The following TTC19 variants were observed in gnomAD, a reference collection of about 807,000 sequenced individuals.
TTC19 encodes the protein tetratricopeptide repeat protein 19, mitochondrial.
A neutral mutation model predicts 49.5 loss-of-function variants in TTC19; 38 were observed. The observed-to-expected ratio is 0.77, with a 90% CI of 0.59 to 1.01. The LOEUF is 1.01. Ranked by LOEUF, TTC19 falls within the 50% of genes least tolerant of loss-of-function variation. The pLI, the probability that TTC19 is intolerant of heterozygous loss-of-function variation, is 0.00. For missense variants in TTC19, 475 were observed against 477.7 expected, an observed-to-expected ratio of 0.99 and a Z score of 0.05; for synonymous variants, 204 against 185.2, an observed-to-expected ratio of 1.10 and a Z score of -0.83.
intron 9 of TTC19, 70 bp from the exon 10 acceptor site, chr17:16,027,304 C>G: frequency 3.2e-6 from 5 of 1,574,530 alleles, no homozygotes; most frequent in Non-Finnish European, 3.5e-6. Context: ...TGCATTCATG[C>G]TCTCTCTTCA....
chr17:16,025,816 G>A (rs1971536811), intron 8 of TTC19, among the ~76,000 whole-genome samples: 1 of 152,152 alleles, frequency 6.6e-6, no homozygotes, highest in African/African-American at 2.4e-5. Flanking sequence ...CCCAAGGCTG[G>A]GGTACATGGG....
chr17:16,041,452 C>A, intron 2 of TTC19, among the ~76,000 whole-genome samples: 1 of 81,908 alleles, frequency 1.2e-5, no homozygotes, highest in Admixed American at 1.4e-4. Flanking sequence ...TTATTCTTGT[C>A]ACCCAGGCTG....
chr17:16,027,525 C>A lies in TTC19; in HGVS notation c.*3C>A. The A allele has an allele frequency of 6.2e-7, 1 of 1,613,742 alleles. No individual in the cohort carries two copies. The highest frequency in any genetic ancestry group is 8.5e-7 in the Non-Finnish European group (1 of 1,179,838). On this transcript the variant is annotated 3_prime_UTR_variant, in exon 10 of 10. Transcript: ENST00000261647. ...TGACAAATTCTGTCAAGCTCTAAAT[C>A]CATTTTTGTGTAGGGAGAATAATGT...
rs1486294433 is a variant in TTC19 at position 16,028,037 on chromosome 17, A to G, written c.*515A>G. The G allele has an allele frequency of 2.2e-6, 1 of 454,148 alleles. No individual in the cohort carries two copies. Among genetic ancestry groups the G allele is most frequent in the African/African-American group, 2.0e-5 (1 of 50,138 alleles). The allele number at this position is 454,148 out of a possible 1,614,324, so 28.1% of individuals were successfully genotyped here. A position where few individuals can be genotyped will look rare whatever the true frequency, so the allele number is the denominator to read the frequency against. On this transcript the variant is annotated 3_prime_UTR_variant, in exon 10 of 10. Coordinates refer to ENST00000261647, the MANE Select transcript of TTC19 (RefSeq NM_017775.4). ...GCACAAGTGGAATTTAATACATAAA[A>G]GAGAAAAATATCTTAGTTTGCTACC...
chr17:16,038,818 T>A (rs985333435), intron 2 of TTC19, among the ~76,000 whole-genome samples: 52 of 152,342 alleles, frequency 3.4e-4, no homozygotes, highest in African/African-American at 1.2e-3. Flanking sequence ...GTTTCCAGGC[T>A]GGAGTGCAGT....
chr17:16,040,682 G>T (rs1470850168), intron 2 of TTC19: 1 of 617,854 alleles, frequency 1.6e-6, no homozygotes, highest in Admixed American at 2.4e-5. Flanking sequence ...TCACTCTGTT[G>T]CCCAGGCTAT....
intron 7 of TTC19, among the ~76,000 whole-genome samples, chr17:16,007,143 A>G (rs1351440538): frequency 2.6e-5 from 4 of 152,196 alleles, no homozygotes. Context: ...GTAGGGATAC[A>G]GCAGTCAACT....
chr17:16,001,029 C>T (rs1268046146), intron 2 of TTC19, among the ~76,000 whole-genome samples: 1 of 152,166 alleles, frequency 6.6e-6, no homozygotes, highest in African/African-American at 2.4e-5. Flanking sequence ...CCCCTTTTGT[C>T]TATCTCCCTT....
At chr17:16,037,210 GT>G (rs1188899676) in intron 2 of TTC19, among the ~76,000 whole-genome samples, 4 of 152,134 alleles carry the variant, frequency 2.6e-5, no homozygotes, top group Non-Finnish European at 5.9e-5. Context: ...TCTTATACAG[GT>G]GCTCCTCATG....
chr17:16,022,455 T>C (rs535841897), intron 7 of TTC19, among the ~76,000 whole-genome samples: 2 of 152,352 alleles, frequency 1.3e-5, no homozygotes, highest in Non-Finnish European at 2.9e-5. Context: ...AGATTTAGTT[T>C]AGCAGAAATT....
intron 2 of TTC19, chr17:16,034,767 G>C: frequency 6.2e-7 from 1 of 1,611,218 alleles, no homozygotes; most frequent in Non-Finnish European, 8.5e-7. Flanking sequence ...ATCCTTACCT[G>C]TTGAAGAGGG....
At chr17:16,003,785 A>G in intron 4 of TTC19, 46 bp from the exon 5 acceptor site, 1 of 1,522,232 alleles carries the variant, frequency 6.6e-7, no homozygotes, top group Admixed American at 1.8e-5. Flanking sequence ...ATATATATAT[A>G]AAATGGGGCC....
chr17:16,019,098 C>T (rs142870453), intron 7 of TTC19, among the ~76,000 whole-genome samples: 49 of 152,148 alleles, frequency 3.2e-4, no homozygotes, highest in Middle Eastern at 3.4e-3. Flanking sequence ...TTTGAGAAGC[C>T]GGGACAGGTG....
chr17:16,002,707 G>A (rs1970780269), intron 3 of TTC19, 86 bp from the exon 4 acceptor site: 1 of 1,324,030 alleles, frequency 7.6e-7, no homozygotes, highest in Non-Finnish European at 1.1e-6. Context: ...AATTTTGAGG[G>A]TGAAAGCAAA....
At chr17:16,021,004 A>G (rs188554110) in intron 7 of TTC19, among the ~76,000 whole-genome samples, 9 of 151,760 alleles carry the variant, frequency 5.9e-5, no homozygotes, top group Admixed American at 3.9e-4. Flanking sequence ...AATTCCTTCT[A>G]TTTGTTCATT....
chr17:16,019,053 C>G (rs967400645), intron 7 of TTC19, among the ~76,000 whole-genome samples: 1 of 152,140 alleles, frequency 6.6e-6, no homozygotes, highest in African/African-American at 2.4e-5. Flanking sequence ...CAATATATTG[C>G]TGGGTACAGT....
chr17:16,033,521 G>T (rs995000004), downstream of TTC19, among the ~76,000 whole-genome samples: 1 of 152,034 alleles, frequency 6.6e-6, no homozygotes, highest in African/African-American at 2.4e-5. Flanking sequence ...TAATGCAAAA[G>T]CCTGATATAA....
At chr17:16,044,826 C>G in exon 3 of TTC19, 1 of 1,075,544 alleles carries the variant, frequency 9.3e-7, no homozygotes, top group Non-Finnish European at 1.4e-6. Context: ...GGTGGACCTG[C>G]TCCAGCAGCT....
rs75051551 is a variant in TTC19, at chr17:16,017,152, T to G, written c.677-7865T>G. On this transcript the variant is annotated intron_variant, in intron 7 of 9. Transcript: ENST00000261647. ...TGTTACGAATTCTAGTTTTATATTA[T>G]CTACTATATCTTACCCTTAACTTTT... Among the ~76,000 whole-genome samples the G allele has an allele frequency of 7.8e-3, 1,191 of 152,328 alleles. 15 individuals are homozygous for G. The highest frequency in any genetic ancestry group is 0.028 in the African/African-American group (1,147 of 41,578).
Sources: allele counts gnomAD v4.1 joint callset (sites outside exome capture counted in the v4.1 genomes callset), GRCh38; gene constraint gnomAD v4.1.1; transcripts MANE v1.5; gene names NCBI Gene and HGNC (gene_info 2026-07-23, HGNC 2026-07-21).